The following CELSR1 variants were observed in gnomAD, a reference collection of about 807,000 sequenced individuals.
CELSR1 encodes adhesion G protein-coupled receptor C1.
A neutral mutation model predicts 249.1 loss-of-function variants in CELSR1; 110 were observed. That is an observed-to-expected ratio of 0.44 (90% CI 0.38 to 0.52). The LOEUF is 0.52. Among genes scored for constraint, CELSR1 ranks in the 20% least tolerant of loss-of-function variants. The pLI is 0.00. For synonymous variants in CELSR1, 2,113 were observed against 1,900.0 expected (o/e 1.11, Z -2.92); for missense variants, 4,109 against 4,296.4 (o/e 0.96, Z 1.22).
rs1456588038 is a variant in CELSR1 at position 46,401,846 on chromosome 22, G to A, written c.5227-1944C>T. Among the ~76,000 whole-genome samples the A allele has an allele frequency of 1.3e-5, 2 of 152,130 alleles. No homozygotes were observed. Among genetic ancestry groups the A allele is most frequent in the South Asian group, 2.1e-4 (1 of 4,822 alleles). Reference sequence around the variant, plus strand: ...GACTGCATTAAACTCTGTGACTTTGGGAGACCAAGGCGGGTGGATCACCTG... The same window carrying A: ...GACTGCATTAAACTCTGTGACTTTGAGAGACCAAGGCGGGTGGATCACCTG... On this transcript the variant is annotated intron_variant, in intron 9 of 34. Coordinates refer to ENST00000674500, the MANE Select transcript of CELSR1 (RefSeq NM_001378328.1). The surrounding 1 kb of genome is among the most constrained non-coding windows in gnomAD (Gnocchi z 4.7).
At position 46,439,977 on chromosome 22, in the gene CELSR1, T is replaced by C. The variant is rs1037015560; in HGVS notation, c.4184-566A>G. Among the ~76,000 whole-genome samples, 11 of 151,936 alleles carry C rather than the reference T, an allele frequency of 7.2e-5. No individual in the cohort carries two copies. The South Asian group carries it at 8.3e-4, about 11-fold the overall frequency. ...TCGCACTGTCTGGCCACCCCTGGAT[T>C]CCAACCCGGTTCTAATCTGGCCCGT... On this transcript the variant is annotated intron_variant, in intron 2 of 34. Transcript: ENST00000674500.
rs1320637605 is a variant in CELSR1 at position 46,410,802 on chromosome 22, C to T, written c.4770-241G>A. Among the ~76,000 whole-genome samples, 2 of 152,062 alleles carry T rather than the reference C, an allele frequency of 1.3e-5. No individual in the cohort carries two copies. The highest frequency in any genetic ancestry group is 1.5e-5 in the Non-Finnish European group (1 of 68,034). On this transcript the variant is annotated intron_variant, in intron 6 of 34. Transcript: ENST00000674500. This position sits in a 1 kb window ranked among gnomAD's most constrained non-coding sequence, Gnocchi z 6.8. ...GGTGTTTCACGCTCACCAGTGACCA[C>T]CAAGCCCCGCCCACCCAGGCTGGTC... is the stretch of plus-strand genomic sequence containing the variant.
At chr22:46,383,391 T>G (rs1228478454) in intron 20 of CELSR1, among the ~76,000 whole-genome samples, 6 of 152,248 alleles carry the variant, frequency 3.9e-5, no homozygotes, top group Non-Finnish European at 8.8e-5. Flanking sequence ...AAATTCAAAA[T>G]GTTCAAACTG....
Position 46,381,585 on chromosome 22 carries a change from G to A in CELSR1, c.7088+261C>T, listed in dbSNP as rs1186575307. 6.6e-6 allele frequency among the ~76,000 whole-genome samples: 1 copy of A among 152,208 alleles called. No homozygotes were observed. Among genetic ancestry groups the A allele is most frequent in the African/African-American group, 2.4e-5 (1 of 41,446 alleles). On this transcript the variant is annotated intron_variant, in intron 21 of 34. Transcript: ENST00000674500. The surrounding 1 kb of genome is among the most constrained non-coding windows in gnomAD (Gnocchi z 6.0). ...TGGGCACAAGATGGGGTGTATGCTG[G>A]GGAGGGGGCATTTCTGGCACAAACA... is the stretch of plus-strand genomic sequence containing the variant.
At chr22:46,450,004 G>A (rs1372566490) in intron 2 of CELSR1, among the ~76,000 whole-genome samples, 1 of 126,414 alleles carries the variant, frequency 7.9e-6, no homozygotes, top group Admixed American at 7.3e-5. Flanking sequence ...ACACACAGGG[G>A]TTCCCACCGC....
At chr22:46,523,935 C>T (rs1052293267) in intron 1 of CELSR1, among the ~76,000 whole-genome samples, 6 of 152,212 alleles carry the variant, frequency 3.9e-5, no homozygotes, top group East Asian at 1.9e-4. Context: ...TCCTGCAGCA[C>T]GGCTGCCACT....
At chr22:46,492,733 C>G (rs963460425) in intron 1 of CELSR1, among the ~76,000 whole-genome samples, 1 of 150,316 alleles carries the variant, frequency 6.7e-6, no homozygotes, top group Non-Finnish European at 1.5e-5. Context: ...GAGAATCGCT[C>G]GAGGCAAGAT....
At position 46,473,294 on chromosome 22, in the gene CELSR1, C is replaced by G. The variant is rs780758737; in HGVS notation, c.3545-8949G>C. 1.7e-4 allele frequency among the ~76,000 whole-genome samples: 26 copies of G among 152,054 alleles called. No homozygotes were observed. The highest frequency in any genetic ancestry group is 3.4e-4 in the Non-Finnish European group (23 of 68,012). ...TGGCGGGGCCCAGATTAACCTGAGGCCAAGTCCCCAGTGATGGTGGATGGG... is the reference window on the plus strand; with the variant it reads ...TGGCGGGGCCCAGATTAACCTGAGGGCAAGTCCCCAGTGATGGTGGATGGG... On this transcript the variant is annotated intron_variant, in intron 1 of 34. Transcript: ENST00000674500. This position sits in a 1 kb window ranked among gnomAD's most constrained non-coding sequence, Gnocchi z 6.6.
chr22:46,401,177 G>A lies in CELSR1; in HGVS notation c.5227-1275C>T, dbSNP rs1416432425. Among the ~76,000 whole-genome samples the A allele has an allele frequency of 6.6e-6, 1 of 152,012 alleles. No individual in the cohort carries two copies. Among genetic ancestry groups the A allele is most frequent in the Non-Finnish European group, 1.5e-5 (1 of 68,008 alleles). The stretch of plus-strand genomic sequence containing the variant: ...TGGATGTAAACATTATACTTTATAA[G>A]ACAAGATTTAATCCTCTGTGTTTAA... On this transcript the variant is annotated intron_variant, in intron 9 of 34. Transcript: ENST00000674500. This position sits in a 1 kb window ranked among gnomAD's most constrained non-coding sequence, Gnocchi z 4.7.
In CELSR1 at chr22:46,535,390, G is replaced by C; in HGVS notation, c.1781C>G (p.Ser594Cys). ...ATAGTGCAGCCGGGCGTTCTCTCCA[G>C]AGTCCGCGTCCACCGCCTGAATGTG... ...VVHIQAVDAD[S>C]GENARLHYRL... The change falls in exon 1 of 35, where the codon TCT (serine) becomes TGT (cysteine). Residue 594 changes from serine (S) to cysteine (C), a missense_variant. By Grantham distance (112) the Ser-to-Cys change is moderately radical. This residue lies in a region of CELSR1 where 886 missense variants were observed against 896.5 expected (regional missense o/e 0.99). Coordinates refer to ENST00000674500, the MANE Select transcript of CELSR1 (RefSeq NM_001378328.1). The C allele has an allele frequency of 1.2e-6, 2 of 1,611,106 alleles. No homozygotes were observed. The highest frequency in any genetic ancestry group is 1.7e-6 in the Non-Finnish European group (2 of 1,179,088).
rs2079170186 is a variant in CELSR1 at position 46,398,055 on chromosome 22, G to A, written c.5527-207C>T. On this transcript the variant is annotated intron_variant, in intron 11 of 34. Transcript: ENST00000674500. The surrounding 1 kb of genome is among the most constrained non-coding windows in gnomAD (Gnocchi z 7.2). Reference sequence around the variant, plus strand: ...GAGGGCTGGGTGAGGAGCTCAGAGGGCACGCCAGCCTGAGCTCCTGGGGTG... The same window carrying A: ...GAGGGCTGGGTGAGGAGCTCAGAGGACACGCCAGCCTGAGCTCCTGGGGTG... Among the ~76,000 whole-genome samples the A allele has an allele frequency of 6.6e-6, 1 of 152,182 alleles. No individual in the cohort carries two copies. The highest frequency in any genetic ancestry group is 6.5e-5 in the Admixed American group (1 of 15,286).
At chr22:46,372,575 C>T (rs2078867265) in intron 25 of CELSR1, among the ~76,000 whole-genome samples, 1 of 151,480 alleles carries the variant, frequency 6.6e-6, no homozygotes, top group Non-Finnish European at 1.5e-5. Context: ...CATGCACTCA[C>T]TCGCTCTTCC....
At position 46,533,523 on chromosome 22, in the gene CELSR1, G is replaced by A. The variant is rs576295941; in HGVS notation, c.3544+104C>T. On this transcript the variant is annotated intron_variant, in intron 1 of 34. Transcript: ENST00000674500. ...AATCCTTGCAGAGTTGCCCGGGCCC[G>A]GCCCAATTGCGCCCCGGCATGCCAG... The A allele has an allele frequency of 4.3e-5, 62 of 1,457,890 alleles. 1 individual carries two copies. In the South Asian group the frequency reaches 5.7e-4, roughly 13 times the overall value. 90.3% of individuals were successfully genotyped at this position (1,457,890 alleles called of 1,614,324 possible).
rs185430341 is a variant in CELSR1, at chr22:46,447,937, G to A, written c.4184-8526C>T. Among the ~76,000 whole-genome samples, 85 of 152,278 alleles carry A rather than the reference G, an allele frequency of 5.6e-4. 1 individual carries two copies. The South Asian group carries it at 0.015, about 28-fold the overall frequency. On this transcript the variant is annotated intron_variant, in intron 2 of 34. Transcript: ENST00000674500. The surrounding 1 kb of genome is among the most constrained non-coding windows in gnomAD (Gnocchi z 4.7). ...ACCCGGCCAGAAAAGCATTCTTAACGGCAAAAGAAAAGCTCCCAGGAGCCA... is the reference window on the plus strand; with the variant it reads ...ACCCGGCCAGAAAAGCATTCTTAACAGCAAAAGAAAAGCTCCCAGGAGCCA...
At chr22:46,503,114 C>A (rs1311449690) in intron 1 of CELSR1, among the ~76,000 whole-genome samples, 2 of 152,142 alleles carry the variant, frequency 1.3e-5, no homozygotes, top group African/African-American at 2.4e-5. Flanking sequence ...AGGTAAGTGG[C>A]CTCGGATGGC....
chr22:46,508,826 C>T (rs1302326975), intron 1 of CELSR1, among the ~76,000 whole-genome samples: 1 of 152,198 alleles, frequency 6.6e-6, no homozygotes, highest in Admixed American at 6.5e-5. Context: ...GACCCTGAGA[C>T]GTTCCCTGTG....
At chr22:46,516,904 A>AC (rs2080633804) in intron 1 of CELSR1, among the ~76,000 whole-genome samples, 2 of 151,418 alleles carry the variant, frequency 1.3e-5, no homozygotes, top group Non-Finnish European at 1.5e-5. Context: ...ACTGCAGCTG[A>AC]CCCCCACTGA....
At position 46,427,878 on chromosome 22, in the gene CELSR1, C is replaced by G. The variant is rs1004239941; in HGVS notation, c.4611+5515G>C. On this transcript the variant is annotated intron_variant, in intron 5 of 34. Coordinates refer to ENST00000674500, the MANE Select transcript of CELSR1 (RefSeq NM_001378328.1). This position sits in a 1 kb window ranked among gnomAD's most constrained non-coding sequence, Gnocchi z 4.2. ...TCCCATCAAAAAACCTCACCCTGAC[C>G]CAAGTGTCTGGGTGGAAGTCCTCGA... 1.3e-5 allele frequency among the ~76,000 whole-genome samples: 2 copies of G among 152,106 alleles called. No individual in the cohort carries two copies. The highest frequency in any genetic ancestry group is 4.8e-5 in the African/African-American group (2 of 41,406).
chr22:46,365,143 TG>T, intron 32 of CELSR1, 87 bp downstream of exon 32: 20 of 1,495,710 alleles, frequency 1.3e-5, no homozygotes, highest in Non-Finnish European at 1.8e-5. Context: ...GGGCATATCC[TG>T]GGAGGAAGGG....
Sources: gnomAD v4.1 joint callset for allele counts (sites outside exome capture counted in the v4.1 genomes callset) on GRCh38, gnomAD v4.1.1 for gene constraint, gnomAD v4.1.1 regional missense constraint, Gnocchi (gnomAD v3.1) non-coding constraint, MANE v1.5 for transcripts, NCBI Gene and HGNC (gene_info 2026-07-23, HGNC 2026-07-21) for gene names.